DNAAF6: variants seen among roughly 807,000 people sequenced by gnomAD.
DNAAF6 encodes the protein dynein axonemal assembly factor 6.
Under a neutral mutation model 13.7 loss-of-function variants are expected in DNAAF6, and 3 were observed. The observed-to-expected ratio is 0.22, with a 90% confidence interval of 0.10 to 0.56. The LOEUF (loss-of-function observed/expected upper bound fraction) is 0.56, where lower values mean the gene tolerates loss of function less well. Ranked by LOEUF, DNAAF6 falls within the 20% of genes least tolerant of loss-of-function variation. The pLI, the probability that DNAAF6 is intolerant of heterozygous loss-of-function variation, is 0.92. For missense variants in DNAAF6, 130 were observed against 151.0 expected, an observed-to-expected ratio of 0.86 and a Z score of 0.73; for synonymous variants, 54 against 49.2, an observed-to-expected ratio of 1.10 and a Z score of -0.41.
At chrX:107,239,383 G>A (rs914445720) in intron 6 of DNAAF6, among the ~76,000 whole-genome samples, 5 of 111,776 alleles carry the variant, frequency 4.5e-5, no homozygotes, top group African/African-American at 1.6e-4. Flanking sequence ...TTGTCATTTT[G>A]TGGGGCTGTA....
intron 5 of DNAAF6, among the ~76,000 whole-genome samples, chrX:107,230,159 C>T (rs1350614487): frequency 8.9e-6 from 1 of 111,979 alleles, no homozygotes; most frequent in Non-Finnish European, 1.9e-5. Context: ...GCCATCATTC[C>T]TCTTTCCTTT....
At chrX:107,241,937 G>T (rs1928632344) in intron 6 of DNAAF6, among the ~76,000 whole-genome samples, 1 of 112,101 alleles carries the variant, frequency 8.9e-6, no homozygotes, top group African/African-American at 3.2e-5. Context: ...ACTAAGCTTT[G>T]CTTTCTTTTA....
At position 107,216,385 on chromosome X, in the gene DNAAF6, T is replaced by G. The variant is rs770202874; in HGVS notation, c.154-286T>G. 2.6e-3 allele frequency among the ~76,000 whole-genome samples: 295 copies of G among 111,819 alleles called. 1 individual carries two copies. Among genetic ancestry groups the G allele is most frequent in the African/African-American group, 9.2e-3 (283 of 30,850 alleles). Reference sequence around the variant, plus strand: ...GAGATGAATGTGGCTCGTTCCTCTATCCCCAGGGATACATGATTCACTGAG... The same window carrying G: ...GAGATGAATGTGGCTCGTTCCTCTAGCCCCAGGGATACATGATTCACTGAG... On this transcript the variant is annotated intron_variant, in intron 2 of 6. Coordinates refer to ENST00000372453, the MANE Select transcript of DNAAF6 (RefSeq NM_173494.2).
At chrX:107,242,781 C>A (rs1295020195) in intron 6 of DNAAF6, among the ~76,000 whole-genome samples, 16 of 112,143 alleles carry the variant, frequency 1.4e-4, no homozygotes, top group Non-Finnish European at 9.4e-5. Context: ...GCAGAAGTGT[C>A]ATAGAGCCAT....
chrX:107,220,911 CTT>C (rs1928110470), intron 4 of DNAAF6, among the ~76,000 whole-genome samples: 1 of 13,317 alleles, frequency 7.5e-5, no homozygotes, highest in Non-Finnish European at 2.4e-4. Context: ...CCCTTTCTTT[CTT>C]TCTTTCTTTC....
chrX:107,216,855 C>T (rs963078123), intron 3 of DNAAF6, 112 bp downstream of exon 3: 10 of 493,898 alleles, frequency 2.0e-5, no homozygotes, highest in Non-Finnish European at 2.5e-5. Flanking sequence ...AACTAAATAA[C>T]AATGTATTGT....
chrX:107,239,316 G>C (rs1291991429), intron 6 of DNAAF6, among the ~76,000 whole-genome samples: 2 of 111,921 alleles, frequency 1.8e-5, no homozygotes, highest in Admixed American at 9.5e-5. Context: ...TAAGTTGTAA[G>C]TCTTATATGT....
At chrX:107,226,778 G>A (rs1928264212) in intron 5 of DNAAF6, among the ~76,000 whole-genome samples, 1 of 111,024 alleles carries the variant, frequency 9.0e-6, no homozygotes, top group Non-Finnish European at 1.9e-5. Flanking sequence ...TATTGATAAG[G>A]CGACATTCTG....
chrX:107,223,902 T>C (rs1378324346), intron 5 of DNAAF6, among the ~76,000 whole-genome samples: 4 of 111,424 alleles, frequency 3.6e-5, no homozygotes, highest in African/African-American at 6.5e-5. Flanking sequence ...ATATTCAAAT[T>C]CCTCTCTTTT....
intron 5 of DNAAF6, among the ~76,000 whole-genome samples, chrX:107,233,534 T>C (rs1392812551): frequency 9.0e-6 from 1 of 111,712 alleles, no homozygotes; most frequent in East Asian, 2.8e-4. Context: ...TCTCTATTTC[T>C]ATGTATTAGA....
chrX:107,236,145 G>C (rs1424234027), intron 5 of DNAAF6, among the ~76,000 whole-genome samples: 3 of 111,177 alleles, frequency 2.7e-5, no homozygotes, highest in African/African-American at 9.8e-5. Context: ...AAAATAAACA[G>C]TTAATTTTTA....
chrX:107,233,424 C>G (rs144021803), intron 5 of DNAAF6, among the ~76,000 whole-genome samples: 2,435 of 111,278 alleles, frequency 0.022, 70 homozygotes, highest in African/African-American at 0.075. Context: ...CATGCTGTAC[C>G]TTAGAGCTCT....
At chrX:107,237,593 G>A (rs1011983186) in intron 5 of DNAAF6, among the ~76,000 whole-genome samples, 8 of 112,238 alleles carry the variant, frequency 7.1e-5, no homozygotes, top group African/African-American at 2.3e-4. Flanking sequence ...ACTTTCATCA[G>A]TGCTAAAGGA....
chrX:107,229,602 C>CT lies in DNAAF6; in HGVS notation c.429+6770dup, dbSNP rs199587265. On this transcript the variant is annotated intron_variant, in intron 5 of 6. Coordinates refer to ENST00000372453, the MANE Select transcript of DNAAF6 (RefSeq NM_173494.2). ...AGTTCTCTGGAGATTTGACCTATGT[C>CT]TTTTTTTTTCTCTACCTATTCTCTT... 6.3e-3 allele frequency among the ~76,000 whole-genome samples: 696 copies of CT among 109,612 alleles called. 5 individuals are homozygous for CT. The highest frequency in any genetic ancestry group is 0.022 in the African/African-American group (651 of 30,118).
At chrX:107,238,609 C>T (rs1212872752) in intron 5 of DNAAF6, among the ~76,000 whole-genome samples, 1 of 111,736 alleles carries the variant, frequency 8.9e-6, no homozygotes, top group Admixed American at 9.5e-5. Flanking sequence ...AACAGGTGTA[C>T]TACTATGTAC....
Position 107,222,813 on chromosome X carries a change from C to T in DNAAF6, c.401C>T (p.Ser134Phe). ...DIFLGLSKKD[S>F]STGCCSELVA... ...TTTTTAGGGTTGTCAAAAAAGGACTCCTCAACAGGTTGTTGCAGTGAACTA... is the reference window on the plus strand; with the variant it reads ...TTTTTAGGGTTGTCAAAAAAGGACTTCTCAACAGGTTGTTGCAGTGAACTA... Residue 134 changes from serine (S) to phenylalanine (F), a missense_variant, in exon 5 of 7, where the codon TCC (serine) becomes TTC (phenylalanine). Physicochemically the swap from Ser to Phe is radical, Grantham distance 155. Coordinates refer to ENST00000372453, the MANE Select transcript of DNAAF6 (RefSeq NM_173494.2). 8.3e-7 allele frequency: 1 copy of T among 1,203,506 alleles called. No individual in the cohort carries two copies. Among genetic ancestry groups the T allele is most frequent in the Non-Finnish European group, 1.1e-6 (1 of 891,900 alleles).
At chrX:107,220,901 CCCTTTCTTTCTTTCTTTCTT>C (rs1569372926) in intron 4 of DNAAF6, among the ~76,000 whole-genome samples, 1 of 79,822 alleles carries the variant, frequency 1.3e-5, no homozygotes, top group Non-Finnish European at 2.4e-5. Context: ...CTTTCTTTCT[CCCTTTCTTTCTTTCTTTCTT>C]TCTTTCTTTC....
chrX:107,228,680 A>T (rs1489657107), intron 5 of DNAAF6, among the ~76,000 whole-genome samples: 1 of 110,972 alleles, frequency 9.0e-6, no homozygotes, highest in South Asian at 3.8e-4. Context: ...TAGTGGCTTG[A>T]TCTCAGTTCA....
At chrX:107,229,329 G>A (rs1443315652) in intron 5 of DNAAF6, among the ~76,000 whole-genome samples, 1 of 106,042 alleles carries the variant, frequency 9.4e-6, no homozygotes, top group Non-Finnish European at 1.9e-5. Flanking sequence ...GTAGAGACGG[G>A]TTCCCAGGCT....
Sources: allele counts gnomAD v4.1 joint callset (sites outside exome capture counted in the v4.1 genomes callset), GRCh38; gene constraint gnomAD v4.1.1; transcripts MANE v1.5; gene names NCBI Gene and HGNC (gene_info 2026-07-23, HGNC 2026-07-21).